BCAS3: variants seen among roughly 807,000 people sequenced by gnomAD.
The protein encoded by BCAS3 is BCAS3 microtubule associated cell migration factor, also known as BCAS4/BCAS3 fusion.
A neutral mutation model predicts 116.1 loss-of-function variants in BCAS3; 53 were observed. The observed-to-expected ratio is 0.46, with a 90% CI of 0.37 to 0.57. The LOEUF is 0.57. Among genes scored for constraint, BCAS3 ranks in the 20% least tolerant of loss-of-function variants. BCAS3 has a pLI of 0.00. For synonymous variants in BCAS3, 391 were observed against 408.2 expected (o/e 0.96, Z 0.51); for missense variants, 917 against 1,165.4 (o/e 0.79, Z 3.10).
intron 14 of BCAS3, among the ~76,000 whole-genome samples, chr17:60,975,095 G>A (rs2062236801): frequency 6.7e-6 from 1 of 150,288 alleles, no homozygotes; most frequent in Admixed American, 6.6e-5. Flanking sequence ...TCCGCCTCCC[G>A]GGTTCACGCC....
rs2079500971 is a variant in BCAS3 at position 61,181,870 on chromosome 17, C to CCTT, written c.2425+97310_2425+97312dup. Among the ~76,000 whole-genome samples, 1 of 88,742 alleles carries CCTT rather than the reference C, an allele frequency of 1.1e-5. No individual in the cohort carries two copies. The highest frequency in any genetic ancestry group is 2.7e-5 in the Non-Finnish European group (1 of 37,546). The allele number at this position is 88,742 out of a possible 152,430, so 58.2% of individuals were successfully genotyped here. A position where few individuals can be genotyped will look rare whatever the true frequency, so the allele number is the denominator to read the frequency against. The stretch of plus-strand genomic sequence containing the variant: ...TCTAATACCAAAAGTCTTGCTTTTT[C>CCTT]CTTCTTTTTTTTTTTAATCTTGAGA... On this transcript the variant is annotated intron_variant, in intron 22 of 23. Coordinates refer to ENST00000407086, the MANE Select transcript of BCAS3 (RefSeq NM_017679.5). This position sits in a 1 kb window ranked among gnomAD's most constrained non-coding sequence, Gnocchi z 5.0.
chr17:60,793,813 T>C (rs2046984066), intron 6 of BCAS3, among the ~76,000 whole-genome samples: 1 of 152,230 alleles, frequency 6.6e-6, no homozygotes, highest in Non-Finnish European at 1.5e-5. Flanking sequence ...TGTTGATTGA[T>C]GGGCATTTGG....
chr17:61,308,168 G>C (rs1167547695), intron 22 of BCAS3, among the ~76,000 whole-genome samples: 2 of 152,152 alleles, frequency 1.3e-5, no homozygotes, highest in African/African-American at 4.8e-5. Flanking sequence ...AGTGTGTGGG[G>C]ACTCCTGGTG....
intron 22 of BCAS3, among the ~76,000 whole-genome samples, chr17:61,152,628 GAAGA>G (rs1053030318): frequency 6.6e-6 from 1 of 152,002 alleles, no homozygotes; most frequent in African/African-American, 2.4e-5. Context: ...GGTAAGAAGA[GAAGA>G]AAGGGCCAAA....
At chr17:60,968,275 G>A (rs997262355) in intron 14 of BCAS3, among the ~76,000 whole-genome samples, 3 of 152,016 alleles carry the variant, frequency 2.0e-5, no homozygotes, top group African/African-American at 7.3e-5. Flanking sequence ...GAGTACAGTG[G>A]TGCAGTCATT....
chr17:60,942,319 C>T (rs925473060), intron 13 of BCAS3, among the ~76,000 whole-genome samples: 5 of 152,078 alleles, frequency 3.3e-5, no homozygotes, highest in Middle Eastern at 3.2e-3. Flanking sequence ...CCCAGCTACT[C>T]GGGAGGCTGT....
At chr17:60,934,428 A>G (rs2059815118) in intron 13 of BCAS3, among the ~76,000 whole-genome samples, 1 of 152,264 alleles carries the variant, frequency 6.6e-6, no homozygotes, top group African/African-American at 2.4e-5. Context: ...ACCTGTCTAC[A>G]ACAAATATAA....
At chr17:60,711,049 T>G (rs553281176) in intron 5 of BCAS3, among the ~76,000 whole-genome samples, 1 of 151,690 alleles carries the variant, frequency 6.6e-6, no homozygotes, top group East Asian at 2.0e-4. Context: ...GTGATCCTCC[T>G]ACTTGGCCTC....
At chr17:61,297,920 G>T (rs544252573) in intron 22 of BCAS3, among the ~76,000 whole-genome samples, 1 of 152,072 alleles carries the variant, frequency 6.6e-6, no homozygotes, top group Non-Finnish European at 1.5e-5. Flanking sequence ...AGTATCAAAC[G>T]ACTACCAATT....
chr17:61,165,373 T>G (rs958729465), intron 22 of BCAS3, among the ~76,000 whole-genome samples: 49 of 152,238 alleles, frequency 3.2e-4, no homozygotes, highest in African/African-American at 1.2e-3. Flanking sequence ...GACATTTACA[T>G]TCTTTTTTAA....
intron 22 of BCAS3, among the ~76,000 whole-genome samples, chr17:61,193,042 A>C (rs930322786): frequency 3.3e-5 from 5 of 152,158 alleles, no homozygotes. Flanking sequence ...CAGGCGGATC[A>C]CCTGAGCTCA....
At chr17:60,779,431 G>A (rs1386765015) in intron 6 of BCAS3, among the ~76,000 whole-genome samples, 6 of 150,330 alleles carry the variant, frequency 4.0e-5, no homozygotes, top group African/African-American at 1.2e-4. Flanking sequence ...GTGCAATGGC[G>A]TGATCTCAGT....
chr17:60,985,709 C>G (rs1264218818), intron 14 of BCAS3, among the ~76,000 whole-genome samples: 4 of 152,034 alleles, frequency 2.6e-5, no homozygotes, highest in African/African-American at 9.7e-5. Context: ...TCCTTCTACT[C>G]TCTATCTCCA....
intron 6 of BCAS3, among the ~76,000 whole-genome samples, chr17:60,802,295 A>AAAAAAAAT (rs1299403402): frequency 4.7e-5 from 6 of 127,946 alleles, no homozygotes; most frequent in African/African-American, 2.2e-4. Flanking sequence ...AAAAAAAAAA[A>AAAAAAAAT]ATATATATAT....
At chr17:60,798,572 T>C (rs1466633593) in intron 6 of BCAS3, among the ~76,000 whole-genome samples, 1 of 152,238 alleles carries the variant, frequency 6.6e-6, no homozygotes, top group Non-Finnish European at 1.5e-5. Context: ...TACAGTTTAT[T>C]TATCCATTCA....
intron 12 of BCAS3, among the ~76,000 whole-genome samples, chr17:60,921,624 A>C (rs1298512034): frequency 5.2e-5 from 7 of 134,146 alleles, no homozygotes; most frequent in East Asian, 3.9e-4. Flanking sequence ...AAAAAAAAAA[A>C]AAAAAAAAAA....
chr17:61,055,303 G>A lies in BCAS3; in HGVS notation c.2029+14411G>A, dbSNP rs1222243338. On this transcript the variant is annotated intron_variant, in intron 19 of 23. Coordinates refer to ENST00000407086, the MANE Select transcript of BCAS3 (RefSeq NM_017679.5). Reference sequence around the variant, plus strand: ...CTGTCTGCTGTGTTAGTGGTAACAGGAATTCTGGCGCCATTTCAGGGTGAC... The same window carrying A: ...CTGTCTGCTGTGTTAGTGGTAACAGAAATTCTGGCGCCATTTCAGGGTGAC... Among the ~76,000 whole-genome samples the A allele has an allele frequency of 2.0e-5, 3 of 152,174 alleles. No individual in the cohort carries two copies. The East Asian group carries it at 5.8e-4, about 29-fold the overall frequency.
At chr17:60,938,477 C>A (rs2060052230) in intron 13 of BCAS3, among the ~76,000 whole-genome samples, 1 of 152,042 alleles carries the variant, frequency 6.6e-6, no homozygotes, top group African/African-American at 2.4e-5. Flanking sequence ...AAAAATAAAT[C>A]TTTACTAACA....
At chr17:61,179,880 T>TA (rs2079379960) in intron 22 of BCAS3, among the ~76,000 whole-genome samples, 1 of 150,240 alleles carries the variant, frequency 6.7e-6, no homozygotes, top group Admixed American at 6.6e-5. Flanking sequence ...CTCTCTTTTT[T>TA]TTTTTTTTTT....
Sources: gnomAD v4.1 joint callset for allele counts (sites outside exome capture counted in the v4.1 genomes callset) on GRCh38, gnomAD v4.1.1 for gene constraint, Gnocchi (gnomAD v3.1) non-coding constraint, MANE v1.5 for transcripts, NCBI Gene and HGNC (gene_info 2026-07-23, HGNC 2026-07-21) for gene names.